Variants in SNTB1 observed in about 807,000 individuals in gnomAD.
SNTB1 encodes the protein beta-1-syntrophin.
SNTB1 carries 36 observed loss-of-function variants against 48.9 expected under a neutral mutation model. The ratio of observed to expected loss-of-function variants is 0.74; its 90% CI spans 0.56 to 0.97. The LOEUF is 0.97. Ranked by LOEUF, SNTB1 falls within the 50% of genes least tolerant of loss-of-function variation. The pLI is 0.00. For synonymous variants in SNTB1, 299 were observed against 294.6 expected (o/e 1.01, Z -0.15); for missense variants, 786 against 703.4 (o/e 1.12, Z -1.33).
chr8:120,665,061 G>T (rs921705420), intron 2 of SNTB1, among the ~76,000 whole-genome samples: 5 of 152,120 alleles, frequency 3.3e-5, no homozygotes, highest in African/African-American at 1.2e-4. Flanking sequence ...TATTTTCTAT[G>T]CATCTATCTT....
chr8:120,686,023 G>T (rs1289812307), intron 2 of SNTB1, among the ~76,000 whole-genome samples: 1 of 152,160 alleles, frequency 6.6e-6, no homozygotes, highest in Non-Finnish European at 1.5e-5. Flanking sequence ...GACCTAATCA[G>T]AACTGCCTTT....
At chr8:120,620,941 C>CTCTTT (rs1276417288) in intron 3 of SNTB1, among the ~76,000 whole-genome samples, 1 of 135,382 alleles carries the variant, frequency 7.4e-6, no homozygotes, top group Non-Finnish European at 1.7e-5. Context: ...CTTCTTCCCT[C>CTCTTT]TCTTTTCTTT....
chr8:120,670,784 C>T (rs1388525099), intron 2 of SNTB1, among the ~76,000 whole-genome samples: 2 of 152,170 alleles, frequency 1.3e-5, no homozygotes, highest in African/African-American at 4.8e-5. Context: ...GTTTGAGTCT[C>T]AGGTCTGCTC....
intron 1 of SNTB1, among the ~76,000 whole-genome samples, chr8:120,735,128 G>A (rs1818921583): frequency 6.6e-6 from 1 of 152,220 alleles, no homozygotes; most frequent in African/African-American, 2.4e-5. Flanking sequence ...CAAGTCAGCA[G>A]ATGAGGCTAT....
At position 120,711,662 on chromosome 8, in the gene SNTB1, C is replaced by T. The variant is rs192544834; in HGVS notation, c.572-17754G>A. On this transcript the variant is annotated intron_variant, in intron 1 of 6. Transcript: ENST00000517992. ...TCACTCCTTTTTCTTTTCTGTTCAA[C>T]GGATAATTCATATTTAAGTATATGA... Among the ~76,000 whole-genome samples, 25 of 152,222 alleles carry T rather than the reference C, an allele frequency of 1.6e-4. No homozygotes were observed. In the East Asian group the frequency reaches 2.9e-3, roughly 18 times the overall value.
chr8:120,721,122 T>G (rs1200811226), intron 1 of SNTB1, among the ~76,000 whole-genome samples: 1 of 152,196 alleles, frequency 6.6e-6, no homozygotes, highest in African/African-American at 2.4e-5. Context: ...CAGAAAACCC[T>G]AGGGTGTCAT....
chr8:120,601,209 C>G (rs991551936), intron 3 of SNTB1, among the ~76,000 whole-genome samples: 5 of 151,788 alleles, frequency 3.3e-5, no homozygotes, highest in Admixed American at 1.3e-4. Flanking sequence ...CTGGAGTCAT[C>G]ATCAGACTGA....
At chr8:120,679,895 G>A (rs1347826549) in intron 2 of SNTB1, among the ~76,000 whole-genome samples, 1 of 149,016 alleles carries the variant, frequency 6.7e-6, no homozygotes, top group African/African-American at 2.5e-5. Context: ...TTTAATGTTT[G>A]TGGGTACACA....
At chr8:120,766,455 T>C (rs1292502380) in intron 1 of SNTB1, among the ~76,000 whole-genome samples, 1 of 152,192 alleles carries the variant, frequency 6.6e-6, no homozygotes, top group African/African-American at 2.4e-5. Flanking sequence ...TTTCATTATG[T>C]CTTCACTATT....
intron 4 of SNTB1, chr8:120,571,266 C>A: frequency 7.8e-7 from 1 of 1,283,770 alleles, no homozygotes. Flanking sequence ...TCCAACTTTG[C>A]TTCTTAGTAA....
intron 1 of SNTB1, among the ~76,000 whole-genome samples, chr8:120,767,998 G>A (rs1819556478): frequency 6.6e-6 from 1 of 152,184 alleles, no homozygotes; most frequent in African/African-American, 2.4e-5. Flanking sequence ...ACCTAGCCAA[G>A]CAACAATATC....
rs774541286 is a variant in SNTB1 at position 120,536,569 on chromosome 8, A to G, written c.*2308T>C. The G allele has an allele frequency of 6.6e-6, 1 of 152,224 alleles. No homozygotes were observed. The highest frequency in any genetic ancestry group is 1.5e-5 in the Non-Finnish European group (1 of 68,026). The allele number at this position is 152,224 out of a possible 1,614,324, so 9.4% of individuals were successfully genotyped here. A position where few individuals can be genotyped will look rare whatever the true frequency, so the allele number is the denominator to read the frequency against. The stretch of plus-strand genomic sequence containing the variant: ...TTATGATACATTTTAACTTGGGGGA[A>G]AAATGATTCATATACACAATTATCT... On this transcript the variant is annotated 3_prime_UTR_variant, in exon 7 of 7. Transcript: ENST00000517992.
intron 5 of SNTB1, among the ~76,000 whole-genome samples, chr8:120,548,436 T>C (rs192324497): frequency 7.5e-4 from 114 of 152,330 alleles, no homozygotes; most frequent in African/African-American, 2.7e-3. Context: ...GTTTCTGTTG[T>C]TTGTAACCAA....
At chr8:120,738,768 C>G (rs1323112178) in intron 1 of SNTB1, among the ~76,000 whole-genome samples, 2 of 152,090 alleles carry the variant, frequency 1.3e-5, no homozygotes, top group Non-Finnish European at 2.9e-5. Context: ...AGCTATCTAG[C>G]CTCAGATTGC....
chr8:120,711,315 A>T (rs1818460389), intron 1 of SNTB1, among the ~76,000 whole-genome samples: 1 of 138,130 alleles, frequency 7.2e-6, no homozygotes. Context: ...ATATTACATA[A>T]TTTAAAAAAT....
At chr8:120,589,939 T>C (rs923892145) in intron 3 of SNTB1, among the ~76,000 whole-genome samples, 8 of 152,200 alleles carry the variant, frequency 5.3e-5, no homozygotes, top group Non-Finnish European at 8.8e-5. Context: ...CCAAAATTAT[T>C]AGAAGTGATA....
At chr8:120,613,724 G>C (rs941472420) in intron 3 of SNTB1, among the ~76,000 whole-genome samples, 1 of 152,142 alleles carries the variant, frequency 6.6e-6, no homozygotes, top group Non-Finnish European at 1.5e-5. Context: ...CCATGTATCC[G>C]GTAGTGGTTA....
chr8:120,577,924 T>A (rs1243195240), intron 3 of SNTB1, among the ~76,000 whole-genome samples: 2 of 152,220 alleles, frequency 1.3e-5, no homozygotes, highest in African/African-American at 4.8e-5. Flanking sequence ...ACTATTCCTG[T>A]ATGCAGAGCT....
Position 120,770,574 on chromosome 8 carries a change from G to A in SNTB1, c.571+40699C>T, listed in dbSNP as rs1819607432. ...CACCTGTAATCCCAGCACTTTGGGAGACCAGGGCGGGCAGATCATTTGAGG... is the reference window on the plus strand; with the variant it reads ...CACCTGTAATCCCAGCACTTTGGGAAACCAGGGCGGGCAGATCATTTGAGG... On this transcript the variant is annotated intron_variant, in intron 1 of 6. Transcript: ENST00000517992. Among the ~76,000 whole-genome samples the A allele has an allele frequency of 3.9e-5, 6 of 152,266 alleles. No individual in the cohort carries two copies. The South Asian group carries it at 1.2e-3, about 32-fold the overall frequency.
Sources: allele counts gnomAD v4.1 joint callset (sites outside exome capture counted in the v4.1 genomes callset), GRCh38; gene constraint gnomAD v4.1.1; transcripts MANE v1.5; gene names NCBI Gene and HGNC (gene_info 2026-07-23, HGNC 2026-07-21).